Variants in CRACDL observed in about 807,000 individuals in gnomAD.
The protein encoded by CRACDL is CRACD like, also known as CRACD-like protein.
A neutral mutation model predicts 70.6 loss-of-function variants in CRACDL; 26 were observed. That is an observed-to-expected ratio of 0.37 (90% CI 0.27 to 0.51). CRACDL has a LOEUF of 0.51. Among genes scored for constraint, CRACDL ranks in the 20% least tolerant of loss-of-function variants. CRACDL has a pLI of 0.94. For missense variants in CRACDL, 1,283 were observed against 1,376.9 expected, an observed-to-expected ratio of 0.93 and a Z score of 1.08; for synonymous variants, 618 against 615.2, an observed-to-expected ratio of 1.00 and a Z score of -0.07.
At chr2:98,836,794 G>T (rs1336079518) in intron 3 of CRACDL, among the ~76,000 whole-genome samples, 2 of 152,174 alleles carry the variant, frequency 1.3e-5, no homozygotes, top group African/African-American at 2.4e-5. Context: ...TAAAAAAAAT[G>T]CATGCACGCC....
Position 98,796,182 on chromosome 2 carries a change from C to T in CRACDL, c.2687G>A (p.Gly896Glu), listed in dbSNP as rs757719371. 1 of 1,614,180 alleles carries T rather than the reference C, an allele frequency of 6.2e-7. No homozygotes were observed. The highest frequency in any genetic ancestry group is 8.5e-7 in the Non-Finnish European group (1 of 1,179,986). ...PVKPAVDRKQ[G>E]AKLNFKEGLQ... ...CCCCTCCTTGAAGTTGAGCTTTGCCCCCTGCTTCCGGTCCACAGCGGGCTT... is the reference window on the plus strand; with the variant it reads ...CCCCTCCTTGAAGTTGAGCTTTGCCTCCTGCTTCCGGTCCACAGCGGGCTT... The change falls in exon 9 of 10, where the codon GGG becomes GAG. Residue 896 changes from glycine to glutamate, a missense_variant. Transcript: ENST00000397899.
intron 2 of CRACDL, 150 bp downstream of exon 2, chr2:98,846,581 G>C: frequency 3.2e-6 from 2 of 624,258 alleles, no homozygotes; most frequent in South Asian, 2.0e-5. Flanking sequence ...CCCAGTCACA[G>C]CGTGAAGGGC....
intron 1 of CRACDL, among the ~76,000 whole-genome samples, chr2:98,893,143 T>A (rs1708021978): frequency 6.6e-6 from 1 of 152,168 alleles, no homozygotes; most frequent in South Asian, 2.1e-4. Context: ...ATGGGCTCCT[T>A]GCACCATTCT....
chr2:98,822,527 C>T lies in CRACDL; in HGVS notation c.1746G>A (p.Arg582=), dbSNP rs1485353870. ...GCGGGCGGGAGACGCCCGGACGAGGCCGCGCTCGGCACGAGGACACCGAGA... is the reference window on the plus strand; with the variant it reads ...GCGGGCGGGAGACGCCCGGACGAGGTCGCGCTCGGCACGAGGACACCGAGA... The part of the protein sequence containing the change: ...KKFSVSSCRA[R]PRPGVSRPLE... The change falls in exon 7 of 10, where the codon CGG becomes CGA. Residue 582 remains arginine, a synonymous_variant. Transcript: ENST00000397899. This position sits in a 1 kb window ranked among gnomAD's most constrained non-coding sequence, Gnocchi z 4.9. The T allele has an allele frequency of 1.4e-5, 21 of 1,458,998 alleles. No individual in the cohort carries two copies. Among genetic ancestry groups the T allele is most frequent in the Non-Finnish European group, 1.9e-5 (21 of 1,113,924 alleles). The allele number at this position is 1,458,998 out of a possible 1,614,324, so 90.4% of individuals were successfully genotyped here. A position where few individuals can be genotyped will look rare whatever the true frequency, so the allele number is the denominator to read the frequency against.
chr2:98,907,166 C>G (rs760124900), intron 1 of CRACDL, among the ~76,000 whole-genome samples: 12 of 152,098 alleles, frequency 7.9e-5, no homozygotes, highest in Non-Finnish European at 1.6e-4. Context: ...GTGGTGGGCA[C>G]CTATAATCCC....
intron 1 of CRACDL, among the ~76,000 whole-genome samples, chr2:98,887,181 G>A (rs995603154): frequency 1.3e-5 from 2 of 152,046 alleles, no homozygotes; most frequent in African/African-American, 2.4e-5. Flanking sequence ...TTAAGGCATC[G>A]AAAAAAATAA....
At chr2:98,935,738 C>A (rs1709189648) in intron 1 of CRACDL, among the ~76,000 whole-genome samples, 200 bp downstream of exon 1, 1 of 152,196 alleles carries the variant, frequency 6.6e-6, no homozygotes, top group East Asian at 1.9e-4. Flanking sequence ...GCGTCCGGCT[C>A]CCCCTCGGCC....
At chr2:98,855,294 A>AAAAAG (rs1706652656) in intron 1 of CRACDL, among the ~76,000 whole-genome samples, 1 of 152,108 alleles carries the variant, frequency 6.6e-6, no homozygotes, top group African/African-American at 2.4e-5. Context: ...TCAAAAAAAA[A>AAAAAG]AAAAAAAGTT....
At chr2:98,905,237 C>A (rs1380461392) in intron 1 of CRACDL, among the ~76,000 whole-genome samples, 1 of 127,316 alleles carries the variant, frequency 7.9e-6, no homozygotes, top group Non-Finnish European at 1.6e-5. Flanking sequence ...GTGACAGAGC[C>A]AGACTCTGTC....
chr2:98,840,066 T>C (rs1705958601), intron 2 of CRACDL, among the ~76,000 whole-genome samples: 1 of 152,182 alleles, frequency 6.6e-6, no homozygotes. Flanking sequence ...TACTTTGCTA[T>C]TTTCTTAAAC....
intron 1 of CRACDL, among the ~76,000 whole-genome samples, chr2:98,919,719 T>C (rs1708754343): frequency 6.6e-6 from 1 of 152,224 alleles, no homozygotes; most frequent in South Asian, 2.1e-4. Context: ...TGTTGTCTAT[T>C]TCCATCACAA....
At chr2:98,795,995 G>C (rs1051790810) in intron 9 of CRACDL, 125 bp downstream of exon 9, 3 of 831,656 alleles carry the variant, frequency 3.6e-6, no homozygotes, top group Admixed American at 3.6e-5. Flanking sequence ...ATCTCCGTAA[G>C]AGCTGTGTAG....
intron 1 of CRACDL, among the ~76,000 whole-genome samples, chr2:98,872,348 ACT>A: frequency 6.6e-6 from 1 of 152,216 alleles, no homozygotes; most frequent in South Asian, 2.1e-4. Flanking sequence ...ACAGAGTGAG[ACT>A]CTGTCTCAAA....
chr2:98,830,590 T>A (rs185458140), intron 5 of CRACDL, among the ~76,000 whole-genome samples: 91 of 152,360 alleles, frequency 6.0e-4, no homozygotes, highest in Non-Finnish European at 1.1e-3. Flanking sequence ...TACCTTTCTG[T>A]TTTTAAGTCT....
chr2:98,849,090 G>A (rs1573065409), intron 1 of CRACDL, among the ~76,000 whole-genome samples: 1 of 152,342 alleles, frequency 6.6e-6, no homozygotes, highest in Admixed American at 6.5e-5. Flanking sequence ...GCTGTCCCCA[G>A]TGGGGCTCAA....
chr2:98,934,486 C>T (rs1158332088), intron 1 of CRACDL, among the ~76,000 whole-genome samples: 2 of 152,152 alleles, frequency 1.3e-5, no homozygotes, highest in African/African-American at 2.4e-5. Context: ...TGAGCCATCG[C>T]GCCCAGCCAA....
chr2:98,914,238 C>T (rs1308710460), intron 1 of CRACDL, among the ~76,000 whole-genome samples: 2 of 152,248 alleles, frequency 1.3e-5, no homozygotes, highest in Non-Finnish European at 2.9e-5. Context: ...TAATTGCAGA[C>T]ATGGGAAGGG....
intron 7 of CRACDL, among the ~76,000 whole-genome samples, chr2:98,818,414 G>C (rs1409150948): frequency 1.3e-5 from 2 of 152,196 alleles, no homozygotes; most frequent in East Asian, 3.8e-4. Context: ...GAGAGGAGGA[G>C]GAATAAACCA....
In CRACDL at chr2:98,822,510, G is replaced by A. The variant is rs935545816; in HGVS notation, c.1763C>T (p.Ser588Phe). ...GCCGCTGGCCCGTTCCAGCGGGCGG[G>A]AGACGCCCGGACGAGGCCGCGCTCG... ...SCRARPRPGV[S>F]RPLERASGRL... The change falls in exon 7 of 10, where the codon TCC becomes TTC. Residue 588 changes from serine to phenylalanine, a missense_variant. Coordinates refer to ENST00000397899, the MANE Select transcript of CRACDL (RefSeq NM_207362.3). The surrounding 1 kb of genome is among the most constrained non-coding windows in gnomAD (Gnocchi z 4.9). 7.5e-6 allele frequency: 11 copies of A among 1,458,746 alleles called. No individual in the cohort carries two copies. The East Asian group carries it at 1.2e-4, about 16-fold the overall frequency. The allele number at this position is 1,458,746 out of a possible 1,614,324, so 90.4% of individuals were successfully genotyped here. A position where few individuals can be genotyped will look rare whatever the true frequency, so the allele number is the denominator to read the frequency against.
Sources: gnomAD v4.1 joint callset for allele counts (sites outside exome capture counted in the v4.1 genomes callset) on GRCh38, gnomAD v4.1.1 for gene constraint, Gnocchi (gnomAD v3.1) non-coding constraint, MANE v1.5 for transcripts, NCBI Gene and HGNC (gene_info 2026-07-23, HGNC 2026-07-21) for gene names.